The following SNX14 variants were observed in gnomAD, a reference collection of about 807,000 sequenced individuals.
SNX14 encodes the protein sorting nexin-14.
A neutral mutation model predicts 133.8 loss-of-function variants in SNX14; 93 were observed. The observed-to-expected ratio is 0.70, with a 90% CI of 0.59 to 0.83. The LOEUF is 0.83. SNX14 is among the 40% of genes least tolerant of loss of function. SNX14 has a pLI of 0.00. For synonymous variants in SNX14, 368 were observed against 365.6 expected (o/e 1.01, Z -0.07); for missense variants, 945 against 1,094.9 (o/e 0.86, Z 1.93).
chr6:85,553,756 A>C (rs1207931927), intron 7 of SNX14, among the ~76,000 whole-genome samples: 2 of 150,892 alleles, frequency 1.3e-5, no homozygotes, highest in African/African-American at 4.9e-5. Context: ...ACTGCACTCC[A>C]GCCTCGGCGA....
chr6:85,593,545 A>G (rs773990244), intron 1 of SNX14, 34 bp downstream of exon 1: 4 of 1,585,354 alleles, frequency 2.5e-6, no homozygotes, highest in Non-Finnish European at 3.4e-6. Flanking sequence ...CTTCGGAGAA[A>G]AGCCGCCGCC....
chr6:85,525,182 A>G (rs994568637), intron 21 of SNX14, among the ~76,000 whole-genome samples: 3 of 152,328 alleles, frequency 2.0e-5, no homozygotes, highest in South Asian at 2.1e-4. Context: ...TAAGGTCTTC[A>G]GTATCCCAGC....
rs745873319 is a variant in SNX14, at chr6:85,557,978, T to C, written c.632A>G (p.Lys211Arg). ...HIEVIVKARQ[K>R]VKNTEFLQQA... ...ACTGTAGTAGAAAACTGTATTACCT[T>C]TCTGTCTGGCTTTAACTATCACTTC... Residue 211 changes from lysine (K) to arginine (R), a missense_variant and splice_region_variant, in exon 7 of 29, where the codon AAA becomes AGA. Coordinates refer to ENST00000314673, the MANE Select transcript of SNX14 (RefSeq NM_153816.6). The C allele has an allele frequency of 6.3e-7, 1 of 1,576,076 alleles. No homozygotes were observed. The highest frequency in any genetic ancestry group is 1.7e-5 in the Admixed American group (1 of 57,524).
At chr6:85,577,112 G>A (rs770819832) in intron 1 of SNX14, among the ~76,000 whole-genome samples, 14 of 152,066 alleles carry the variant, frequency 9.2e-5, no homozygotes, top group Admixed American at 3.3e-4. Context: ...TTAAGTAGTT[G>A]ATTAGATGTG....
chr6:85,553,931 A>G (rs1367578912), intron 7 of SNX14, among the ~76,000 whole-genome samples: 5 of 152,242 alleles, frequency 3.3e-5, no homozygotes, highest in Admixed American at 6.5e-5. Flanking sequence ...GAATCTACTC[A>G]GCACCTGTCA....
chr6:85,506,492 A>G (rs533426358), intron 28 of SNX14, among the ~76,000 whole-genome samples: 31 of 152,088 alleles, frequency 2.0e-4, no homozygotes, highest in Non-Finnish European at 4.1e-4. Flanking sequence ...AACTTTTTCT[A>G]TTTTTAGTAG....
chr6:85,539,643 T>C (rs1783012035), intron 15 of SNX14, among the ~76,000 whole-genome samples: 1 of 152,090 alleles, frequency 6.6e-6, no homozygotes, highest in South Asian at 2.1e-4. Flanking sequence ...AGAAACTCTT[T>C]TAACTTATTA....
At chr6:85,509,016 T>G (rs1395180672) in intron 26 of SNX14, among the ~76,000 whole-genome samples, 2 of 152,204 alleles carry the variant, frequency 1.3e-5, no homozygotes. Flanking sequence ...TCTTTGTTAA[T>G]CCTCAAACTC....
At chr6:85,518,160 A>G (rs1489349884) in intron 21 of SNX14, 112 bp from the exon 22 acceptor site, 10 of 835,078 alleles carry the variant, frequency 1.2e-5, no homozygotes, top group Admixed American at 2.6e-5. Flanking sequence ...TTAAAACTGT[A>G]AAAGTATTTA....
chr6:85,588,726 A>G (rs978413783), intron 1 of SNX14: 5 of 302,030 alleles, frequency 1.7e-5, no homozygotes, highest in African/African-American at 1.1e-4. Context: ...ACTGTTGACC[A>G]AAAGCCTTAC....
At chr6:85,592,742 C>A (rs183598835) in intron 1 of SNX14, among the ~76,000 whole-genome samples, 4,385 of 151,634 alleles carry the variant, frequency 0.029, 120 homozygotes, top group Non-Finnish European at 0.046. Flanking sequence ...GTAATCCCAG[C>A]ACTTCGGGAG....
At chr6:85,535,994 G>A (rs1158028537) in intron 17 of SNX14, among the ~76,000 whole-genome samples, 1 of 152,072 alleles carries the variant, frequency 6.6e-6, no homozygotes, top group Admixed American at 6.6e-5. Context: ...AAAATAAAAA[G>A]TACAAATGAG....
intron 1 of SNX14, among the ~76,000 whole-genome samples, chr6:85,591,675 C>T (rs899586922): frequency 2.0e-5 from 3 of 152,094 alleles, no homozygotes; most frequent in Admixed American, 2.0e-4. Context: ...CCTAAACTGA[C>T]CCAGTTCCCA....
chr6:85,531,871 T>A (rs1780413294), intron 18 of SNX14, among the ~76,000 whole-genome samples: 1 of 151,894 alleles, frequency 6.6e-6, no homozygotes, highest in South Asian at 2.1e-4. Flanking sequence ...TACAAAAAAA[T>A]TTTAAAATTA....
At chr6:85,554,463 T>G (rs997632678) in intron 7 of SNX14, among the ~76,000 whole-genome samples, 1 of 152,126 alleles carries the variant, frequency 6.6e-6, no homozygotes, top group Admixed American at 6.6e-5. Flanking sequence ...GAAACTTTAC[T>G]TCCTGAATTA....
At chr6:85,545,175 C>T (rs979422852) in intron 12 of SNX14, among the ~76,000 whole-genome samples, 3 of 151,968 alleles carry the variant, frequency 2.0e-5, no homozygotes, top group African/African-American at 7.2e-5. Flanking sequence ...TAACAGAACA[C>T]ACTCAAAAAA....
intron 18 of SNX14, 37 bp downstream of exon 18, chr6:85,533,562 G>T (rs777016602): frequency 6.3e-7 from 1 of 1,577,710 alleles, no homozygotes; most frequent in Non-Finnish European, 8.7e-7. Flanking sequence ...CTCATTCATG[G>T]GCATCTTTTA....
In SNX14 at chr6:85,543,816, A is replaced by G; in HGVS notation, c.1109-56T>C. On this transcript the variant is annotated intron_variant, in intron 12 of 28. Transcript: ENST00000314673. Reference sequence around the variant, plus strand: ...TAATTTTAATATATAATTATTCATAAAAGCTTCAGTCCCATTCTAATTGTA... The same window carrying G: ...TAATTTTAATATATAATTATTCATAGAAGCTTCAGTCCCATTCTAATTGTA... 3 of 1,129,232 alleles carry G rather than the reference A, an allele frequency of 2.7e-6. 1 individual carries two copies. In the South Asian group the frequency reaches 6.9e-5, roughly 26 times the overall value. 70.0% of individuals were successfully genotyped at this position (1,129,232 alleles called of 1,614,324 possible).
At chr6:85,523,129 A>C (rs1387411168) in intron 21 of SNX14, among the ~76,000 whole-genome samples, 1 of 152,220 alleles carries the variant, frequency 6.6e-6, no homozygotes, top group Non-Finnish European at 1.5e-5. Context: ...AAAGTATGAA[A>C]GGAAGTAGTA....
Sources: allele counts gnomAD v4.1 joint callset (sites outside exome capture counted in the v4.1 genomes callset), GRCh38; gene constraint gnomAD v4.1.1; transcripts MANE v1.5; gene names NCBI Gene and HGNC (gene_info 2026-07-23, HGNC 2026-07-21).